Variants in ANO2 observed in about 807,000 individuals in gnomAD.
ANO2 encodes anoctamin 2.
In ANO2, 101 loss-of-function variants were observed where a neutral mutation model predicts 124.2. The observed-to-expected ratio is 0.81, with a 90% confidence interval of 0.69 to 0.96. The LOEUF (loss-of-function observed/expected upper bound fraction) is 0.96. ANO2 is among the 40% of genes least tolerant of loss of function. ANO2 has a pLI of 0.00. For missense variants in ANO2, 1,293 were observed against 1,274.5 expected, an observed-to-expected ratio of 1.01 and a Z score of -0.22; for synonymous variants, 486 against 482.5, an observed-to-expected ratio of 1.01 and a Z score of -0.09.
At chr12:5,788,641 C>T (rs1369078514) in intron 10 of ANO2, among the ~76,000 whole-genome samples, 2 of 152,198 alleles carry the variant, frequency 1.3e-5, no homozygotes, top group Non-Finnish European at 2.9e-5. Context: ...TCACTGCAAC[C>T]TCTGCCTCCA....
chr12:5,772,312 A>G (rs529978107), intron 10 of ANO2, among the ~76,000 whole-genome samples: 66 of 152,338 alleles, frequency 4.3e-4, no homozygotes, highest in African/African-American at 1.3e-3. Context: ...TATTACATCA[A>G]TTACATCCGA....
rs1941504579 is a variant in ANO2 at position 5,562,655 on chromosome 12, T to C, written c.*644A>G. 1.3e-5 allele frequency: 2 copies of C among 152,324 alleles called. No homozygotes were observed. Among genetic ancestry groups the C allele is most frequent in the African/African-American group, 4.8e-5 (2 of 41,526 alleles). The allele number at this position is 152,324 out of a possible 1,614,324, so 9.4% of individuals were successfully genotyped here. On this transcript the variant is annotated 3_prime_UTR_variant, in exon 25 of 25. Coordinates refer to ENST00000682330, the MANE Select transcript of ANO2 (RefSeq NM_001364791.2). ...AGGCACCAAAGACAACAGATGCATC[T>C]TTATAAAGAATGTGTCCATTTATTT...
At chr12:5,932,359 G>A (rs1407518015) in intron 1 of ANO2, among the ~76,000 whole-genome samples, 1 of 146,528 alleles carries the variant, frequency 6.8e-6, no homozygotes, top group Non-Finnish European at 1.5e-5. Context: ...GTAACAAAGT[G>A]ACTAAAAAGG....
chr12:5,584,131 A>ACCCCCCCCCC (rs35425375), intron 20 of ANO2: 3 of 132,984 alleles, frequency 2.3e-5, no homozygotes, highest in Admixed American at 8.3e-5. Context: ...TTTAATGAAC[A>ACCCCCCCCCC]CCCCCCCCCC....
chr12:5,665,155 A>G (rs10774357), intron 14 of ANO2, among the ~76,000 whole-genome samples: 89,789 of 150,874 alleles, frequency 0.6, 27,956 homozygotes, highest in East Asian at 0.96. Context: ...GTCTCTGCAA[A>G]GCGCAGAGGG....
chr12:5,651,973 C>T (rs1027971007), intron 14 of ANO2, among the ~76,000 whole-genome samples: 17 of 152,238 alleles, frequency 1.1e-4, no homozygotes, highest in Middle Eastern at 3.4e-3. Context: ...GTGGATGTAC[C>T]ACAGTTCATT....
rs558884517 is a variant in ANO2 at position 5,809,522 on chromosome 12, C to CT, written c.893-2155dup. ...AAAGTCCAGCAGTTGTTTTCACCGA[C>CT]TTAGCTCATCTGCTAATTCTCAGCT... On this transcript the variant is annotated intron_variant, in intron 7 of 24. Transcript: ENST00000682330. 9.0e-3 allele frequency among the ~76,000 whole-genome samples: 1,378 copies of CT among 152,302 alleles called. 15 individuals are homozygous for CT. Among genetic ancestry groups the CT allele is most frequent in the Non-Finnish European group, 0.012 (813 of 68,020 alleles).
intron 7 of ANO2, among the ~76,000 whole-genome samples, chr12:5,811,505 A>G (rs1428050947): frequency 2.6e-5 from 4 of 152,124 alleles, no homozygotes; most frequent in African/African-American, 9.7e-5. Flanking sequence ...GGAGGTTCCC[A>G]AAGAATACAT....
At chr12:5,830,710 CATAA>C (rs942692919) in intron 5 of ANO2, among the ~76,000 whole-genome samples, 1 of 151,996 alleles carries the variant, frequency 6.6e-6, no homozygotes, top group Admixed American at 6.6e-5. Context: ...AGAAAAATAA[CATAA>C]ATAAAAATGC....
At chr12:5,649,228 T>C (rs1946793875) in intron 14 of ANO2, among the ~76,000 whole-genome samples, 1 of 152,204 alleles carries the variant, frequency 6.6e-6, no homozygotes, top group South Asian at 2.1e-4. Flanking sequence ...TGCCTGGAAC[T>C]GAGCGATGGG....
In ANO2 at chr12:5,732,637, C is replaced by A; in HGVS notation, c.1435-7G>T. ...ACTCAGGCCTGGAATGTTCCTAAACCAAAGAGCAGTGAGTGGTTAGTAAAC... is the reference window on the plus strand; with the variant it reads ...ACTCAGGCCTGGAATGTTCCTAAACAAAAGAGCAGTGAGTGGTTAGTAAAC... On this transcript the variant is annotated splice_polypyrimidine_tract_variant and splice_region_variant and intron_variant, in intron 13 of 24. Coordinates refer to ENST00000682330, the MANE Select transcript of ANO2 (RefSeq NM_001364791.2). 6.2e-7 allele frequency: 1 copy of A among 1,610,884 alleles called. No individual in the cohort carries two copies. Among genetic ancestry groups the A allele is most frequent in the South Asian group, 1.1e-5 (1 of 90,678 alleles).
intron 4 of ANO2, chr12:5,851,866 A>C (rs1212041577): frequency 1.4e-6 from 1 of 700,776 alleles, no homozygotes; most frequent in African/African-American, 1.8e-5. Flanking sequence ...AGGTTGAAAA[A>C]GGACACACTT....
At position 5,795,607 on chromosome 12, in the gene ANO2, G is replaced by A. The variant is rs1952822047; in HGVS notation, c.1055+3900C>T. Among the ~76,000 whole-genome samples, 12 of 152,316 alleles carry A rather than the reference G, an allele frequency of 7.9e-5. No individual in the cohort carries two copies. The South Asian group carries it at 2.5e-3, about 32-fold the overall frequency. On this transcript the variant is annotated intron_variant, in intron 10 of 24. Transcript: ENST00000682330. ...CAGGCAGGCAGTGGCAGCTGCTTTA[G>A]AATAAACTTTTTGTACATTAGTTTC...
Position 5,635,365 on chromosome 12 carries a change from G to A in ANO2, c.1621-18C>T, listed in dbSNP as rs1332942083. 5.9e-6 allele frequency: 9 copies of A among 1,533,488 alleles called. No individual in the cohort carries two copies. Among genetic ancestry groups the A allele is most frequent in the Non-Finnish European group, 7.9e-6 (9 of 1,144,306 alleles). 95.0% of individuals were successfully genotyped at this position (1,533,488 alleles called of 1,614,324 possible). On this transcript the variant is annotated intron_variant, in intron 15 of 24. Transcript: ENST00000682330. This position sits in a 1 kb window ranked among gnomAD's most constrained non-coding sequence, Gnocchi z 5.2. The stretch of plus-strand genomic sequence containing the variant: ...AGGGCAATCTGTTTGGGAAAACAGA[G>A]AGAAGTACACATCAGCCGGCAATTA...
intron 14 of ANO2, among the ~76,000 whole-genome samples, chr12:5,713,131 G>A (rs1949876007): frequency 6.6e-6 from 1 of 152,202 alleles, no homozygotes; most frequent in East Asian, 1.9e-4. Flanking sequence ...AAGTAGGCCA[G>A]GCAAGTGGTG....
At chr12:5,766,372 A>G (rs1258783237) in intron 10 of ANO2, among the ~76,000 whole-genome samples, 1 of 152,246 alleles carries the variant, frequency 6.6e-6, no homozygotes, top group Non-Finnish European at 1.5e-5. Context: ...TATAGCAATG[A>G]GAATGAACAA....
chr12:5,793,896 G>A (rs1952768766), intron 10 of ANO2, among the ~76,000 whole-genome samples: 1 of 152,182 alleles, frequency 6.6e-6, no homozygotes, highest in Non-Finnish European at 1.5e-5. Flanking sequence ...CCTCCGAAAG[G>A]GTACAACTGG....
chr12:5,899,447 G>A (rs1019928531), intron 3 of ANO2, among the ~76,000 whole-genome samples: 24 of 152,168 alleles, frequency 1.6e-4, no homozygotes, highest in Non-Finnish European at 3.4e-4. Context: ...CCTGTGTCAT[G>A]CAAAGTCACA....
chr12:5,851,411 G>A (rs1243538605), intron 4 of ANO2, among the ~76,000 whole-genome samples: 3 of 152,118 alleles, frequency 2.0e-5, no homozygotes, highest in Admixed American at 6.5e-5. Context: ...TGTCTGGCTG[G>A]GTGTGGTGGC....
Sources: gnomAD v4.1 joint callset for allele counts (sites outside exome capture counted in the v4.1 genomes callset) on GRCh38, gnomAD v4.1.1 for gene constraint, Gnocchi (gnomAD v3.1) non-coding constraint, MANE v1.5 for transcripts, NCBI Gene and HGNC (gene_info 2026-07-23, HGNC 2026-07-21) for gene names.